Variants in CYP20A1 observed in about 807,000 individuals in gnomAD.
CYP20A1 encodes cytochrome P450 family 20 subfamily A member 1.
A neutral mutation model predicts 61.4 loss-of-function variants in CYP20A1; 61 were observed. That is an observed-to-expected ratio of 0.99 (90% confidence interval 0.81 to 1.23). The LOEUF (loss-of-function observed/expected upper bound fraction) is 1.23. Among genes scored for constraint, CYP20A1 ranks in the 50% most tolerant of loss-of-function variants. The pLI, the probability that CYP20A1 is intolerant of heterozygous loss-of-function variation, is 0.00. For missense variants in CYP20A1, 530 were observed against 542.4 expected, an observed-to-expected ratio of 0.98 and a Z score of 0.23; for synonymous variants, 193 against 188.2, an observed-to-expected ratio of 1.03 and a Z score of -0.21.
chr2:203,257,959 T>A (rs2066966828), intron 4 of CYP20A1, among the ~76,000 whole-genome samples: 1 of 152,224 alleles, frequency 6.6e-6, no homozygotes, highest in South Asian at 2.1e-4. Flanking sequence ...TCAAGTGCAG[T>A]GGCACAATTA....
At chr2:203,284,352 G>A (rs996303726) in intron 8 of CYP20A1, among the ~76,000 whole-genome samples, 4 of 152,018 alleles carry the variant, frequency 2.6e-5, no homozygotes, top group African/African-American at 9.7e-5. Context: ...CATATTCTAG[G>A]GAAAGAGGTA....
At chr2:203,291,210 T>C (rs1251233353) in intron 10 of CYP20A1, among the ~76,000 whole-genome samples, 6 of 152,088 alleles carry the variant, frequency 3.9e-5, no homozygotes, top group Admixed American at 6.5e-5. Flanking sequence ...TAAATTTTTT[T>C]ATTTTTTATA....
At chr2:203,251,595 C>T (rs2066671273) in intron 3 of CYP20A1, among the ~76,000 whole-genome samples, 1 of 150,536 alleles carries the variant, frequency 6.6e-6, no homozygotes, top group African/African-American at 2.4e-5. Context: ...CATGTTGAAA[C>T]CCCGTCTCTA....
At chr2:203,242,292 TAAG>T (rs1231108557) in intron 1 of CYP20A1, among the ~76,000 whole-genome samples, 2 of 152,192 alleles carry the variant, frequency 1.3e-5, no homozygotes, top group Non-Finnish European at 2.9e-5. Flanking sequence ...TTTGTAATCT[TAAG>T]AAGAGCGGTT....
chr2:203,257,933 G>A (rs146501741), intron 4 of CYP20A1, among the ~76,000 whole-genome samples: 500 of 51,848 alleles, frequency 9.6e-3, no homozygotes, highest in Non-Finnish European at 0.028. Context: ...TCAAGGTCTC[G>A]CACTGTTGCC....
chr2:203,291,560 T>C (rs1036670477), intron 10 of CYP20A1, among the ~76,000 whole-genome samples: 13 of 152,204 alleles, frequency 8.5e-5, no homozygotes, highest in African/African-American at 2.9e-4. Context: ...TTTATAACTT[T>C]CACTCATTTT....
intron 4 of CYP20A1, among the ~76,000 whole-genome samples, chr2:203,261,410 AAT>A (rs1334882227): frequency 6.6e-6 from 1 of 150,438 alleles, no homozygotes; most frequent in Non-Finnish European, 1.5e-5. Flanking sequence ...AAAATTTAAA[AAT>A]ATATATTAGC....
intron 12 of CYP20A1, 43 bp from the exon 13 acceptor site, chr2:203,296,714 TA>T (rs2068813684): frequency 4.5e-6 from 7 of 1,557,142 alleles, no homozygotes; most frequent in Non-Finnish European, 6.0e-6. Context: ...GTTTAAAGTA[TA>T]ATTTTTAATC....
intron 3 of CYP20A1, among the ~76,000 whole-genome samples, chr2:203,251,063 C>CA (rs35304069): frequency 0.82 from 41,213 of 50,460 alleles, 17,191 homozygotes; most frequent in South Asian, 0.9. Context: ...GATTCTGTCT[C>CA]AAAAAAAAAA....
Position 203,257,496 on chromosome 2 carries a change from A to G in CYP20A1, c.432+5387A>G, listed in dbSNP as rs563106673. 1.1e-3 allele frequency among the ~76,000 whole-genome samples: 160 copies of G among 152,236 alleles called. 1 individual carries two copies. The highest frequency in any genetic ancestry group is 3.8e-3 in the African/African-American group (158 of 41,538). ...ATTAAATTTAAAAATATCCATTAAA[A>G]AATTTTTTTTTTGCCGGTCTCAGTG... is the stretch of plus-strand genomic sequence containing the variant. On this transcript the variant is annotated intron_variant, in intron 4 of 12. Coordinates refer to ENST00000356079, the MANE Select transcript of CYP20A1 (RefSeq NM_177538.3).
At chr2:203,241,658 C>G (rs2066259413) in intron 1 of CYP20A1, among the ~76,000 whole-genome samples, 1 of 152,088 alleles carries the variant, frequency 6.6e-6, no homozygotes, top group Non-Finnish European at 1.5e-5. Context: ...CATTGGTAAT[C>G]TTTATTTTTT....
chr2:203,239,207 C>G, intron 1 of CYP20A1, 73 bp downstream of exon 1: 1 of 1,316,848 alleles, frequency 7.6e-7, no homozygotes. Flanking sequence ...CCAGGCCAAC[C>G]TGCCCGCTGC....
chr2:203,270,068 A>G (rs1022915099), intron 5 of CYP20A1, among the ~76,000 whole-genome samples: 3 of 151,662 alleles, frequency 2.0e-5, no homozygotes, highest in Non-Finnish European at 4.4e-5. Flanking sequence ...CCTGGGCAAC[A>G]TGACAAAACC....
In CYP20A1 at chr2:203,272,735, A is replaced by T; in HGVS notation, c.666A>T (p.Lys222Asn). The change falls in exon 6 of 13, where the codon AAA (lysine) becomes AAT (asparagine). Residue 222 changes from lysine to asparagine, a missense_variant. By Grantham distance (94) the Lys-to-Asn change is moderately conservative. Coordinates refer to ENST00000356079, the MANE Select transcript of CYP20A1 (RefSeq NM_177538.3). ...TTGATAAAAACATGACTCGGAAAAAACAATATGAAGATGGTAAGTTTGGTC... is the reference window on the plus strand; with the variant it reads ...TTGATAAAAACATGACTCGGAAAAATCAATATGAAGATGGTAAGTTTGGTC... ...GSLDKNMTRK[K>N]QYEDALMQLE... 6.2e-7 allele frequency: 1 copy of T among 1,600,814 alleles called. No individual in the cohort carries two copies. The highest frequency in any genetic ancestry group is 1.1e-5 in the South Asian group (1 of 87,690).
intron 9 of CYP20A1, among the ~76,000 whole-genome samples, chr2:203,289,143 G>GT (rs1189264579): frequency 6.6e-6 from 1 of 151,992 alleles, no homozygotes; most frequent in African/African-American, 2.4e-5. Flanking sequence ...AATCTGGCAA[G>GT]TAAAAAAAAT....
intron 9 of CYP20A1, among the ~76,000 whole-genome samples, chr2:203,286,034 G>A (rs755166328): frequency 4.6e-5 from 7 of 152,268 alleles, no homozygotes; most frequent in Non-Finnish European, 8.8e-5. Flanking sequence ...TTGACCGGGC[G>A]TGGTGGCTCA....
At chr2:203,278,306 GCTCTA>G (rs2067906233) in intron 6 of CYP20A1, among the ~76,000 whole-genome samples, 1 of 152,106 alleles carries the variant, frequency 6.6e-6, no homozygotes, top group African/African-American at 2.4e-5. Flanking sequence ...TGCTGGCATT[GCTCTA>G]CTTCTTGACC....
intron 8 of CYP20A1, 99 bp downstream of exon 8, chr2:203,280,212 T>A (rs534432887): frequency 2.2e-6 from 2 of 890,752 alleles, no homozygotes; most frequent in African/African-American, 1.7e-5. Context: ...GAGGCTGAGG[T>A]GGGAGATTGC....
intron 4 of CYP20A1, among the ~76,000 whole-genome samples, chr2:203,262,079 G>A (rs2067159431): frequency 6.6e-6 from 1 of 152,176 alleles, no homozygotes; most frequent in South Asian, 2.1e-4. Context: ...GGCCTGCTCT[G>A]TGACAAGCAG....
Sources: allele counts gnomAD v4.1 joint callset (sites outside exome capture counted in the v4.1 genomes callset), GRCh38; gene constraint gnomAD v4.1.1; transcripts MANE v1.5; gene names NCBI Gene and HGNC (gene_info 2026-07-23, HGNC 2026-07-21).